The following SNAP25 variants were observed in gnomAD, a reference collection of about 807,000 sequenced individuals.
SNAP25 encodes the protein synaptosome associated protein 25.
In SNAP25, 3 loss-of-function variants were observed where a neutral mutation model predicts 28.7. The ratio of observed to expected loss-of-function variants is 0.10; its 90% confidence interval spans 0.05 to 0.27. SNAP25 has a LOEUF of 0.27. SNAP25 is among the 10% of genes least tolerant of loss of function. SNAP25 has a pLI of 1.00. For synonymous variants in SNAP25, 61 were observed against 88.1 expected (o/e 0.69, Z 1.72); for missense variants, 117 against 278.7 (o/e 0.42, Z 4.13).
intron 1 of SNAP25, 89 bp from the exon 2 acceptor site, chr20:10,275,340 G>A: frequency 1.9e-6 from 1 of 534,474 alleles, no homozygotes; most frequent in Non-Finnish European, 3.3e-6. Context: ...CATGTGGACT[G>A]AGTATGGGCC....
chr20:10,297,889 C>T (rs1028709431), intron 6 of SNAP25, among the ~76,000 whole-genome samples: 2 of 151,962 alleles, frequency 1.3e-5, no homozygotes, highest in Non-Finnish European at 2.9e-5. Context: ...GAATAATGAG[C>T]TTCTTATTAA....
chr20:10,306,123 T>A lies in SNAP25; in HGVS notation c.553-6T>A, dbSNP rs763781378. On this transcript the variant is annotated splice_region_variant and splice_polypyrimidine_tract_variant and intron_variant, in intron 7 of 7. Coordinates refer to ENST00000254976, the MANE Select transcript of SNAP25 (RefSeq NM_130811.4). ...CTGAGTTCTGTTTCTTTTCCCCCTT[T>A]TCTAGGCTGATTCCAACAAAACCAG... 2 of 1,613,508 alleles carry A rather than the reference T, an allele frequency of 1.2e-6. No individual in the cohort carries two copies. The highest frequency in any genetic ancestry group is 1.7e-6 in the Non-Finnish European group (2 of 1,179,674).
chr20:10,297,167 C>A, intron 6 of SNAP25, 117 bp downstream of exon 6: 1 of 1,267,928 alleles, frequency 7.9e-7, no homozygotes, highest in Non-Finnish European at 1.0e-6. Context: ...TACATACCTG[C>A]TAAGTGTTCT....
At chr20:10,236,939 T>G (rs2062932833) in intron 1 of SNAP25, among the ~76,000 whole-genome samples, 1 of 148,888 alleles carries the variant, frequency 6.7e-6, no homozygotes. Context: ...TTCAGTTTAC[T>G]GAGCCTCCAA....
At chr20:10,256,520 C>T (rs2122852975) in intron 1 of SNAP25, among the ~76,000 whole-genome samples, 1 of 151,904 alleles carries the variant, frequency 6.6e-6, no homozygotes, top group East Asian at 1.9e-4. Flanking sequence ...AAACATTTTA[C>T]AGATAAAATA....
chr20:10,264,537 G>A (rs1045298349), intron 1 of SNAP25, among the ~76,000 whole-genome samples: 27 of 152,194 alleles, frequency 1.8e-4, no homozygotes, highest in African/African-American at 6.5e-4. Flanking sequence ...TTTAACACAT[G>A]CTATGTTATC....
intron 1 of SNAP25, among the ~76,000 whole-genome samples, chr20:10,239,199 C>A (rs1408590983): frequency 6.6e-6 from 1 of 152,150 alleles, no homozygotes; most frequent in Non-Finnish European, 1.5e-5. Flanking sequence ...GTCATTCAAA[C>A]CTCATTTTAA....
At chr20:10,257,013 G>A (rs2063329422) in intron 1 of SNAP25, among the ~76,000 whole-genome samples, 1 of 152,098 alleles carries the variant, frequency 6.6e-6, no homozygotes, top group African/African-American at 2.4e-5. Flanking sequence ...ATTCTAAATA[G>A]TGCATTGGTT....
rs201433638 is a variant in SNAP25 at position 10,285,453 on chromosome 20, A to G, written c.163+681A>G. On this transcript the variant is annotated intron_variant, in intron 4 of 7. Coordinates refer to ENST00000254976, the MANE Select transcript of SNAP25 (RefSeq NM_130811.4). ...TCTTCATCTCAATGTATCTAGCCCT[A>G]TGGTGAGATTGTACATAATTCTAGC... is the stretch of plus-strand genomic sequence containing the variant. 1.3e-4 allele frequency among the ~76,000 whole-genome samples: 20 copies of G among 152,346 alleles called. No homozygotes were observed. In the East Asian group the frequency reaches 3.7e-3, roughly 28 times the overall value.
intron 1 of SNAP25, among the ~76,000 whole-genome samples, chr20:10,267,446 A>G (rs940936280): frequency 3.3e-5 from 5 of 152,224 alleles, no homozygotes; most frequent in African/African-American, 1.2e-4. Flanking sequence ...GATGATAAAC[A>G]ATAATGAAAA....
chr20:10,228,744 TC>T (rs1416327422), intron 1 of SNAP25, among the ~76,000 whole-genome samples: 2 of 152,126 alleles, frequency 1.3e-5, no homozygotes, highest in Admixed American at 1.3e-4. Flanking sequence ...CCTCCACCAC[TC>T]TGAGAAAGAG....
chr20:10,270,947 T>A (rs2063582426), intron 1 of SNAP25, among the ~76,000 whole-genome samples: 1 of 152,216 alleles, frequency 6.6e-6, no homozygotes, highest in Non-Finnish European at 1.5e-5. Context: ...GAACCCTTAC[T>A]AGGGGTCAGA....
chr20:10,304,782 A>T (rs1419308925), intron 7 of SNAP25, among the ~76,000 whole-genome samples: 1 of 152,150 alleles, frequency 6.6e-6, no homozygotes, highest in Non-Finnish European at 1.5e-5. Flanking sequence ...GATTTTTTTT[A>T]AATGTGAAAC....
intron 1 of SNAP25, among the ~76,000 whole-genome samples, chr20:10,260,878 C>T (rs1282634636): frequency 6.6e-6 from 1 of 152,152 alleles, no homozygotes; most frequent in African/African-American, 2.4e-5. Flanking sequence ...CCATAGATCA[C>T]AGGCAAAAGG....
intron 1 of SNAP25, among the ~76,000 whole-genome samples, chr20:10,253,421 GC>G (rs1170875095): frequency 1.3e-5 from 2 of 152,134 alleles, no homozygotes; most frequent in Admixed American, 6.6e-5. Flanking sequence ...GTGACTCTAG[GC>G]TACTTACCGA....
In SNAP25 at chr20:10,286,652, G is replaced by A. The variant is rs550222801; in HGVS notation, c.163+1880G>A. 4.6e-5 allele frequency among the ~76,000 whole-genome samples: 7 copies of A among 152,214 alleles called. No homozygotes were observed. The South Asian group carries it at 1.4e-3, about 32-fold the overall frequency. ...GGTGCACAGCTGGAGGCATCTGGCT[G>A]TCACATAAAGGCTTTCGGTTTTACA... On this transcript the variant is annotated intron_variant, in intron 4 of 7. Transcript: ENST00000254976.
chr20:10,297,029 T>C lies in SNAP25; in HGVS notation c.386T>C (p.Ile129Thr). The C allele has an allele frequency of 6.2e-7, 1 of 1,605,828 alleles. No homozygotes were observed. ...RVVDEREQMA[I>T]SGGFIRRVTN... ...GTGGACGAACGGGAGCAGATGGCCA[T>C]CAGTGGCGGCTTCATCCGCAGGTGA... The change falls in exon 6 of 8, where the codon ATC becomes ACC. Residue 129 changes from isoleucine (I) to threonine (T), a missense_variant. Physicochemically the swap from Ile to Thr is moderately conservative, Grantham distance 89. This residue lies in a region of SNAP25 where 88 missense variants were observed against 206.9 expected (regional missense o/e 0.43). Coordinates refer to ENST00000254976, the MANE Select transcript of SNAP25 (RefSeq NM_130811.4).
intron 3 of SNAP25, among the ~76,000 whole-genome samples, chr20:10,280,465 T>C (rs2063761003): frequency 6.6e-6 from 1 of 152,122 alleles, no homozygotes; most frequent in Non-Finnish European, 1.5e-5. Context: ...GGAAGGGAGA[T>C]GTAAATTGGT....
chr20:10,247,970 G>A (rs1247526673), intron 1 of SNAP25, among the ~76,000 whole-genome samples: 1 of 152,194 alleles, frequency 6.6e-6, no homozygotes, highest in East Asian at 1.9e-4. Flanking sequence ...TTGGTTTAGA[G>A]TGCCTTAGCT....
Sources: gnomAD v4.1 joint callset for allele counts (sites outside exome capture counted in the v4.1 genomes callset) on GRCh38, gnomAD v4.1.1 for gene constraint, gnomAD v4.1.1 regional missense constraint, MANE v1.5 for transcripts, NCBI Gene and HGNC (gene_info 2026-07-23, HGNC 2026-07-21) for gene names.